Variants in DSG3 observed in about 807,000 individuals in gnomAD.
DSG3 encodes desmoglein 3.
A neutral mutation model predicts 85.9 loss-of-function variants in DSG3; 63 were observed. That is an observed-to-expected ratio of 0.73 (90% CI 0.60 to 0.90). The LOEUF is 0.90. DSG3 is among the 40% of genes least tolerant of loss of function. The pLI is 0.00. For missense variants in DSG3, 1,220 were observed against 1,219.9 expected, an observed-to-expected ratio of 1.00 and a Z score of 0.00; for synonymous variants, 447 against 441.9, an observed-to-expected ratio of 1.01 and a Z score of -0.14.
intron 2 of DSG3, among the ~76,000 whole-genome samples, chr18:31,456,765 T>C (rs866323474): frequency 1.6e-4 from 24 of 152,142 alleles, no homozygotes; most frequent in African/African-American, 5.5e-4. Flanking sequence ...AAAGAAAATA[T>C]AAAATACGAC....
intron 7 of DSG3, 21 bp downstream of exon 7, chr18:31,460,982 A>G (rs1274150065): frequency 2.2e-5 from 34 of 1,563,694 alleles, no homozygotes; most frequent in Non-Finnish European, 2.9e-5. Flanking sequence ...TGCTCCTTAA[A>G]GAATCATTTA....
In DSG3 at chr18:31,458,453, A is replaced by G. The variant is rs746881935; in HGVS notation, c.225A>G (p.Ser75=). Residue 75 remains serine (S), a synonymous_variant, in exon 4 of 16, where the codon TCA becomes TCG. Coordinates refer to ENST00000257189, the MANE Select transcript of DSG3 (RefSeq NM_001944.3). ...GGTATTTGGGGCTGTAGATTACTTC[A>G]GATTACCAAGCAACCCAGAAAATCA... The part of the protein sequence containing the change: ...SKRNPIAKIT[S]DYQATQKITY... 6.2e-7 allele frequency: 1 copy of G among 1,613,884 alleles called. No homozygotes were observed. Among genetic ancestry groups the G allele is most frequent in the South Asian group, 1.1e-5 (1 of 91,038 alleles).
chr18:31,454,544 A>T (rs1389935353), intron 1 of DSG3, among the ~76,000 whole-genome samples: 1 of 152,168 alleles, frequency 6.6e-6, no homozygotes, highest in African/African-American at 2.4e-5. Context: ...TTTGGTTCAG[A>T]CTTGGACTAG....
chr18:31,448,485 G>C (rs1182655570), intron 1 of DSG3, among the ~76,000 whole-genome samples: 1 of 151,958 alleles, frequency 6.6e-6, no homozygotes, highest in East Asian at 1.9e-4. Flanking sequence ...AGCCTTTGGG[G>C]ATGGGGGGAA....
At chr18:31,462,123 A>G (rs78277525) in intron 8 of DSG3, among the ~76,000 whole-genome samples, 1,818 of 102,572 alleles carry the variant, frequency 0.018, 37 homozygotes, top group African/African-American at 0.081. Context: ...TCTAGGCAAG[A>G]GTGCAGTGAT....
rs1233924655 is a variant in DSG3, at chr18:31,472,372, A to G, written c.1986A>G (p.Ser662=). ...TGGFIPVPDG[S]EGTIHQWGIE... is the part of the protein sequence containing the mutation. ...GTTTTATCCCAGTTCCTGATGGCTC[A>G]GAAGGAACAATTCATCAGTGGGGAA... The change falls in exon 13 of 16, where the codon TCA becomes TCG. Residue 662 remains serine (S), a synonymous_variant. Transcript: ENST00000257189. 10 of 1,614,056 alleles carry G rather than the reference A, an allele frequency of 6.2e-6. No individual in the cohort carries two copies. The highest frequency in any genetic ancestry group is 7.6e-6 in the Non-Finnish European group (9 of 1,180,022).
At chr18:31,455,017 G>A (rs1186083182) in intron 1 of DSG3, among the ~76,000 whole-genome samples, 88 of 129,320 alleles carry the variant, frequency 6.8e-4, no homozygotes, top group African/African-American at 2.4e-3. Flanking sequence ...GCGAAACTCC[G>A]TCTCAAAAAA....
intron 12 of DSG3, among the ~76,000 whole-genome samples, chr18:31,470,296 A>G (rs569777434): frequency 6.6e-6 from 1 of 152,268 alleles, no homozygotes; most frequent in South Asian, 2.1e-4. Context: ...TGTGTAGACA[A>G]CTACACATAC....
intron 4 of DSG3, 71 bp from the exon 5 acceptor site, chr18:31,458,962 T>C: frequency 3.9e-6 from 6 of 1,540,912 alleles, no homozygotes; most frequent in Middle Eastern, 1.7e-4. Flanking sequence ...ACAGAGGCCT[T>C]ATTTATACAA....
intron 1 of DSG3, among the ~76,000 whole-genome samples, chr18:31,455,252 C>T (rs1157549149): frequency 1.3e-5 from 2 of 151,478 alleles, no homozygotes; most frequent in East Asian, 1.9e-4. Flanking sequence ...CAGCTGATAC[C>T]GAAACTACAC....
chr18:31,457,212 A>G (rs2072747844), intron 3 of DSG3, 88 bp downstream of exon 3: 1 of 1,384,006 alleles, frequency 7.2e-7, no homozygotes, highest in Non-Finnish European at 9.7e-7. Context: ...AAATAACAAA[A>G]TGAAGACTGG....
rs180876219 is a variant in DSG3, at chr18:31,463,870, A to T, written c.1000-241A>T. Among the ~76,000 whole-genome samples, 1,065 of 152,232 alleles carry T rather than the reference A, an allele frequency of 7.0e-3. 10 individuals carry two copies. Among genetic ancestry groups the T allele is most frequent in the African/African-American group, 0.023 (972 of 41,558 alleles). On this transcript the variant is annotated intron_variant, in intron 8 of 15. Transcript: ENST00000257189. ...CCACTGCACCTCATAGCCTAAAGAGACTATGATGATGTCTTTCTAGTCTGA... is the reference window on the plus strand; with the variant it reads ...CCACTGCACCTCATAGCCTAAAGAGTCTATGATGATGTCTTTCTAGTCTGA...
rs747138640 is a variant in DSG3 at position 31,456,468 on chromosome 18, G to A, written c.77G>A (p.Arg26Gln). ...VVVILVHGEL[R>Q]IETKGQYDEE... ...GTCATATTGGTTCATGGAGAATTGC[G>A]AATAGAGGTAAAGTATGAAAAAGGT... The change falls in exon 2 of 16, where the codon CGA (arginine) becomes CAA (glutamine). Residue 26 changes from arginine to glutamine, a missense_variant. By Grantham distance (43) the Arg-to-Gln change is conservative (BLOSUM62 1). Transcript: ENST00000257189. The A allele has an allele frequency of 8.1e-5, 109 of 1,338,900 alleles. No homozygotes were observed. Among genetic ancestry groups the A allele is most frequent in the Admixed American group, 1.2e-4 (4 of 34,256 alleles). The allele number at this position is 1,338,900 out of a possible 1,614,324, so 82.9% of individuals were successfully genotyped here.
At chr18:31,460,480 C>A (rs1320322357) in intron 6 of DSG3, among the ~76,000 whole-genome samples, 2 of 152,174 alleles carry the variant, frequency 1.3e-5, no homozygotes, top group African/African-American at 4.8e-5. Flanking sequence ...ACCACCACCA[C>A]CTTCTATCTC....
chr18:31,464,103 T>A lies in DSG3; in HGVS notation c.1000-8T>A. On this transcript the variant is annotated splice_region_variant and splice_polypyrimidine_tract_variant and intron_variant, in intron 8 of 15. Coordinates refer to ENST00000257189, the MANE Select transcript of DSG3 (RefSeq NM_001944.3). ...TGAAACTGCCTTCTAATTTTATTTTTTCTCCAGGCTCTAGATTATGAACAA... is the reference window on the plus strand; with the variant it reads ...TGAAACTGCCTTCTAATTTTATTTTATCTCCAGGCTCTAGATTATGAACAA... 6.2e-7 allele frequency: 1 copy of A among 1,602,564 alleles called. No individual in the cohort carries two copies. The highest frequency in any genetic ancestry group is 2.2e-5 in the East Asian group (1 of 44,742).
intron 1 of DSG3, among the ~76,000 whole-genome samples, chr18:31,455,295 GT>G (rs1001267739): frequency 2.9e-4 from 43 of 148,766 alleles, no homozygotes; most frequent in East Asian, 1.4e-3. Flanking sequence ...TACTCTTCTA[GT>G]TTTTTTTTTC....
At chr18:31,459,291 T>C (rs1190919921) in intron 5 of DSG3, 114 bp downstream of exon 5, 2 of 1,065,480 alleles carry the variant, frequency 1.9e-6, no homozygotes, top group East Asian at 5.3e-5. Context: ...TCAGTAGTTT[T>C]GAAAAATAAA....
At chr18:31,461,750 A>G (rs2072787854) in intron 8 of DSG3, among the ~76,000 whole-genome samples, 1 of 152,158 alleles carries the variant, frequency 6.6e-6, no homozygotes, top group South Asian at 2.1e-4. Flanking sequence ...ACTTAATCTC[A>G]TTTGCAACAA....
intron 8 of DSG3, 142 bp downstream of exon 8, chr18:31,461,554 C>A: frequency 1.3e-6 from 1 of 790,646 alleles, no homozygotes; most frequent in Non-Finnish European, 2.0e-6. Flanking sequence ...TTGTAATCCC[C>A]ATAGAGCCGC....
Sources: gnomAD v4.1 joint callset for allele counts (sites outside exome capture counted in the v4.1 genomes callset) on GRCh38, gnomAD v4.1.1 for gene constraint, MANE v1.5 for transcripts, NCBI Gene and HGNC (gene_info 2026-07-23, HGNC 2026-07-21) for gene names.